The following KCNQ1OT1 variants were observed in gnomAD, a reference collection of about 807,000 sequenced individuals.
The protein encoded by KCNQ1OT1 is KCNQ1 opposite strand/antisense transcript 1, also known as KCNQ1 antisense RNA 2 (non-protein coding).
At chr11:2,693,610 C>T (rs1850624879) in exon 1 of KCNQ1OT1, 2 of 398,664 alleles carry the variant, frequency 5.0e-6, no homozygotes, top group Admixed American at 8.8e-5. Flanking sequence ...AAATTGCAAA[C>T]AAGAGCTTCG....
rs1156278455 is a variant in KCNQ1OT1 at position 2,676,355 on chromosome 11, G to A, written n.23640C>T. 5.0e-6 allele frequency: 2 copies of A among 398,500 alleles called. No homozygotes were observed. Among genetic ancestry groups the A allele is most frequent in the East Asian group, 7.1e-5 (2 of 28,086 alleles). The allele number at this position is 398,500 out of a possible 1,614,324, so 24.7% of individuals were successfully genotyped here. ...TTGAAGTGCTGTTTTCTCATGGTTGGGCTTCCAGTATAATTGGAAGGAGCA... is the reference window on the plus strand; with the variant it reads ...TTGAAGTGCTGTTTTCTCATGGTTGAGCTTCCAGTATAATTGGAAGGAGCA... On this transcript the variant is annotated non_coding_transcript_exon_variant, in exon 1 of 1. Coordinates refer to ENST00000597346, the Ensembl canonical transcript of KCNQ1OT1. This position sits in a 1 kb window ranked among gnomAD's most constrained non-coding sequence, Gnocchi z 4.2.
chr11:2,616,850 G>T (rs1849073610), exon 1 of KCNQ1OT1: 2 of 398,258 alleles, frequency 5.0e-6, no homozygotes, highest in East Asian at 7.1e-5. Context: ...TGAGAAGAAT[G>T]TGTAGTTGGG....
chr11:2,650,334 G>A, exon 1 of KCNQ1OT1: 1 of 398,386 alleles, frequency 2.5e-6, no homozygotes, highest in Admixed American at 4.4e-5. Flanking sequence ...TTCCCCCCAA[G>A]TTTTTTGTGT....
In KCNQ1OT1 at chr11:2,626,342, C is replaced by G; in HGVS notation, n.73653G>C. ...TGGTATTAGGTAAGGGTCTCAACTT[C>G]AGTTATCCTGGCACCATTTGTTGAA... is the stretch of plus-strand genomic sequence containing the variant. On this transcript the variant is annotated non_coding_transcript_exon_variant, in exon 1 of 1. Coordinates refer to ENST00000597346, the Ensembl canonical transcript of KCNQ1OT1. The surrounding 1 kb of genome is among the most constrained non-coding windows in gnomAD (Gnocchi z 4.0). The G allele has an allele frequency of 2.5e-6, 1 of 398,592 alleles. No individual in the cohort carries two copies. Among genetic ancestry groups the G allele is most frequent in the Non-Finnish European group, 4.4e-6 (1 of 226,064 alleles). The allele number at this position is 398,592 out of a possible 1,614,324, so 24.7% of individuals were successfully genotyped here.
chr11:2,671,918 C>T lies in KCNQ1OT1; in HGVS notation n.28077G>A. 2.5e-6 allele frequency: 1 copy of T among 398,712 alleles called. No individual in the cohort carries two copies. 24.7% of individuals were successfully genotyped at this position (398,712 alleles called of 1,614,324 possible). A position where few individuals can be genotyped will look rare whatever the true frequency, so the allele number is the denominator to read the frequency against. On this transcript the variant is annotated non_coding_transcript_exon_variant, in exon 1 of 1. Coordinates refer to ENST00000597346, the Ensembl canonical transcript of KCNQ1OT1. This position sits in a 1 kb window ranked among gnomAD's most constrained non-coding sequence, Gnocchi z 4.7. ...CAGCCAGCCTGTGGGCCCCGCTATG[C>T]TTCCTCAGGCAGCTAGTCTCTGTAT...
chr11:2,699,888 A>C (rs1850764084), exon 1 of KCNQ1OT1: 1 of 397,328 alleles, frequency 2.5e-6, no homozygotes. Flanking sequence ...CCCGGGGAGG[A>C]CCACGCTGAG....
chr11:2,684,292 G>A (rs1221396528), exon 1 of KCNQ1OT1: 10 of 398,472 alleles, frequency 2.5e-5, no homozygotes, highest in Non-Finnish European at 2.7e-5. Flanking sequence ...CTGGAGCATT[G>A]CAACTCATTT....
rs2133882767 is a variant in KCNQ1OT1, at chr11:2,682,870, G to C, written n.17125C>G. 2.5e-6 allele frequency: 1 copy of C among 398,636 alleles called. No homozygotes were observed. 24.7% of individuals were successfully genotyped at this position (398,636 alleles called of 1,614,324 possible). A position where few individuals can be genotyped will look rare whatever the true frequency, so the allele number is the denominator to read the frequency against. ...TCAGTTTTGTAGACCAGGAAACTGA[G>C]GCTTGGGGATAGCAGATGTTCCCAG... On this transcript the variant is annotated non_coding_transcript_exon_variant, in exon 1 of 1. Coordinates refer to ENST00000597346, the Ensembl canonical transcript of KCNQ1OT1. This position sits in a 1 kb window ranked among gnomAD's most constrained non-coding sequence, Gnocchi z 5.8.
Position 2,669,294 on chromosome 11 carries a change from A to G in KCNQ1OT1, n.30701T>C. On this transcript the variant is annotated non_coding_transcript_exon_variant, in exon 1 of 1. Transcript: ENST00000597346. The surrounding 1 kb of genome is among the most constrained non-coding windows in gnomAD (Gnocchi z 5.6). ...TGTCTTTGCAGGGTTTCTCCTCACC[A>G]TACATATGCCAGTTGCCATGGAAAG... is the stretch of plus-strand genomic sequence containing the variant. 1 of 398,626 alleles carries G rather than the reference A, an allele frequency of 2.5e-6. No homozygotes were observed. Among genetic ancestry groups the G allele is most frequent in the Non-Finnish European group, 4.4e-6 (1 of 226,080 alleles). 24.7% of individuals were successfully genotyped at this position (398,626 alleles called of 1,614,324 possible).
In KCNQ1OT1 at chr11:2,620,212, T is replaced by TATATATATA. The variant is rs749794052; in HGVS notation, n.79782_79783insTATATATAT. 86 of 202,260 alleles carry TATATATATA rather than the reference T, an allele frequency of 4.3e-4. No homozygotes were observed. Among genetic ancestry groups the TATATATATA allele is most frequent in the Middle Eastern group, 1.5e-3 (1 of 678 alleles). The allele number at this position is 202,260 out of a possible 1,614,324, so 12.5% of individuals were successfully genotyped here. On this transcript the variant is annotated non_coding_transcript_exon_variant, in exon 1 of 1. Transcript: ENST00000597346. The surrounding 1 kb of genome is among the most constrained non-coding windows in gnomAD (Gnocchi z 4.5). ...AAGTTCATTCATGTATATATATATA[T>TATATATATA]TTTTTTTTTTTATTTTTTTTTTAGA...
Position 2,676,051 on chromosome 11 carries a change from T to C in KCNQ1OT1, n.23944A>G, listed in dbSNP as rs552162628. ...CCACTCAACACTTTCCTATTGCATC[T>C]TTCCAGACGTATTTTATATAAACAA... On this transcript the variant is annotated non_coding_transcript_exon_variant, in exon 1 of 1. Coordinates refer to ENST00000597346, the Ensembl canonical transcript of KCNQ1OT1. The surrounding 1 kb of genome is among the most constrained non-coding windows in gnomAD (Gnocchi z 4.2). 1 of 398,660 alleles carries C rather than the reference T, an allele frequency of 2.5e-6. No individual in the cohort carries two copies. Among genetic ancestry groups the C allele is most frequent in the South Asian group, 1.3e-4 (1 of 7,866 alleles). The allele number at this position is 398,660 out of a possible 1,614,324, so 24.7% of individuals were successfully genotyped here.
At chr11:2,633,311 TC>T in exon 1 of KCNQ1OT1, 1 of 398,582 alleles carries the variant, frequency 2.5e-6, no homozygotes, top group Non-Finnish European at 4.4e-6. Flanking sequence ...GAATATTTTC[TC>T]CCATTCTACA....
chr11:2,635,486 G>A (rs1849448762), exon 1 of KCNQ1OT1: 1 of 152,164 alleles, frequency 6.6e-6, no homozygotes, highest in African/African-American at 2.4e-5. Context: ...AAGATCAGAT[G>A]ATTGTAGATG....
At chr11:2,648,815 C>A (rs1367788647) in exon 1 of KCNQ1OT1, 1 of 398,262 alleles carries the variant, frequency 2.5e-6, no homozygotes, top group Non-Finnish European at 4.4e-6. Flanking sequence ...TGTTGCCATC[C>A]CTAACTATTA....
At chr11:2,625,485 T>G in exon 1 of KCNQ1OT1, 3 of 398,608 alleles carry the variant, frequency 7.5e-6, no homozygotes. Flanking sequence ...TTGACTTGTA[T>G]TTCCTAATGA....
chr11:2,679,311 G>C lies in KCNQ1OT1; in HGVS notation n.20684C>G. 2.5e-6 allele frequency: 1 copy of C among 398,580 alleles called. No individual in the cohort carries two copies. The highest frequency in any genetic ancestry group is 4.4e-6 in the Non-Finnish European group (1 of 226,050). The allele number at this position is 398,580 out of a possible 1,614,324, so 24.7% of individuals were successfully genotyped here. The stretch of plus-strand genomic sequence containing the variant: ...AAGACAGGGGCTAATAACAGGGTCT[G>C]GAGTCTGAACTCATATCCTAATTCC... On this transcript the variant is annotated non_coding_transcript_exon_variant, in exon 1 of 1. Coordinates refer to ENST00000597346, the Ensembl canonical transcript of KCNQ1OT1. The surrounding 1 kb of genome is among the most constrained non-coding windows in gnomAD (Gnocchi z 4.8).
exon 1 of KCNQ1OT1, chr11:2,639,858 A>C (rs1589998115): frequency 1.3e-5 from 2 of 152,614 alleles, no homozygotes; most frequent in Admixed American, 1.3e-4. Flanking sequence ...GGTGGACTCC[A>C]CCCAGTTCGA....
At position 2,683,046 on chromosome 11, in the gene KCNQ1OT1, C is replaced by G. The variant is rs1179378786; in HGVS notation, n.16949G>C. ...TGAGAGAGGTGACCTTCTCCCACTT[C>G]TTACAGGCAAGGCTCTTGCTAGCCT... On this transcript the variant is annotated non_coding_transcript_exon_variant, in exon 1 of 1. Transcript: ENST00000597346. This position sits in a 1 kb window ranked among gnomAD's most constrained non-coding sequence, Gnocchi z 4.7. 2.5e-6 allele frequency: 1 copy of G among 398,582 alleles called. No homozygotes were observed. Among genetic ancestry groups the G allele is most frequent in the Non-Finnish European group, 4.4e-6 (1 of 226,134 alleles). The allele number at this position is 398,582 out of a possible 1,614,324, so 24.7% of individuals were successfully genotyped here.
rs1199832096 is a variant in KCNQ1OT1 at position 2,651,005 on chromosome 11, T to C, written n.48990A>G. On this transcript the variant is annotated non_coding_transcript_exon_variant, in exon 1 of 1. Coordinates refer to ENST00000597346, the Ensembl canonical transcript of KCNQ1OT1. The surrounding 1 kb of genome is among the most constrained non-coding windows in gnomAD (Gnocchi z 6.1). The stretch of plus-strand genomic sequence containing the variant: ...TCAACTCTCTGGATTTGCCCACACC[T>C]AGTCTCTCCAGCTATCTCCCTGGTT... The C allele has an allele frequency of 5.0e-6, 2 of 398,732 alleles. No homozygotes were observed. Among genetic ancestry groups the C allele is most frequent in the Non-Finnish European group, 8.8e-6 (2 of 226,122 alleles). The allele number at this position is 398,732 out of a possible 1,614,324, so 24.7% of individuals were successfully genotyped here. A position where few individuals can be genotyped will look rare whatever the true frequency, so the allele number is the denominator to read the frequency against.
Sources: allele counts gnomAD v4.1 joint callset, GRCh38; gene constraint gnomAD v4.1.1; non-coding constraint Gnocchi (gnomAD v3.1); transcripts MANE v1.5; gene names NCBI Gene and HGNC (gene_info 2026-07-23, HGNC 2026-07-21).